UFL1: variants seen among roughly 807,000 people sequenced by gnomAD.
UFL1 encodes E3 UFM1-protein ligase 1.
In UFL1, 78 loss-of-function variants were observed where a neutral mutation model predicts 99.3. The ratio of observed to expected loss-of-function variants is 0.79; its 90% confidence interval spans 0.65 to 0.95. The LOEUF is 0.95. Among genes scored for constraint, UFL1 ranks in the 40% least tolerant of loss-of-function variants. The probability of loss-of-function intolerance (pLI) is 0.00; values close to 1 mark genes in which losing one functional copy is unlikely to be tolerated. For synonymous variants in UFL1, 335 were observed against 322.2 expected (o/e 1.04, Z -0.42); for missense variants, 936 against 937.0 (o/e 1.00, Z 0.01).
chr6:96,538,529 A>T (rs1159604693), intron 9 of UFL1, 102 bp from the exon 10 acceptor site: 2 of 1,090,320 alleles, frequency 1.8e-6, no homozygotes, highest in Non-Finnish European at 2.6e-6. Context: ...AAGCCACTGG[A>T]CTTAATGAGA....
chr6:96,541,890 C>A (rs1474347807), intron 11 of UFL1, among the ~76,000 whole-genome samples: 1 of 150,934 alleles, frequency 6.6e-6, no homozygotes, highest in East Asian at 1.9e-4. Flanking sequence ...AAAGCATGTT[C>A]ACTTTAGACT....
chr6:96,540,871 TTA>T (rs1769921720), intron 11 of UFL1, among the ~76,000 whole-genome samples: 1 of 151,356 alleles, frequency 6.6e-6, no homozygotes, highest in Admixed American at 6.6e-5. Context: ...TGTGAAAACT[TTA>T]TTTTATCATC....
rs1282920908 is a variant in UFL1 at position 96,555,053 on chromosome 6, AAAAGC to A, written c.*1552_*1556del. On this transcript the variant is annotated 3_prime_UTR_variant, in exon 19 of 19. Transcript: ENST00000369278. ...AAGAGACAGTGAAGCAAGTAAAAAG[AAAAGC>A]ATTGTTTTAATTTGTTTGCATTAAT... is the stretch of plus-strand genomic sequence containing the variant. 1.3e-5 allele frequency: 2 copies of A among 152,596 alleles called. No individual in the cohort carries two copies. Among genetic ancestry groups the A allele is most frequent in the Non-Finnish European group, 2.9e-5 (2 of 68,010 alleles). The allele number at this position is 152,596 out of a possible 1,614,324, so 9.5% of individuals were successfully genotyped here. A position where few individuals can be genotyped will look rare whatever the true frequency, so the allele number is the denominator to read the frequency against.
At chr6:96,536,179 GT>G in intron 7 of UFL1, 64 bp from the exon 8 acceptor site, 1 of 1,416,106 alleles carries the variant, frequency 7.1e-7, no homozygotes, top group Non-Finnish European at 9.6e-7. Context: ...AAATAATAAA[GT>G]ATTTTACTTT....
intron 17 of UFL1, 75 bp from the exon 18 acceptor site, chr6:96,552,407 G>A: frequency 2.1e-6 from 3 of 1,429,210 alleles, no homozygotes; most frequent in Non-Finnish European, 1.8e-6. Context: ...AAAATTAACA[G>A]AAAGGGATGA....
chr6:96,552,789 A>C, intron 18 of UFL1, 127 bp downstream of exon 18: 1 of 817,226 alleles, frequency 1.2e-6, no homozygotes, highest in Non-Finnish European at 1.8e-6. Flanking sequence ...ATTTCCAATA[A>C]TGTGAACAGT....
chr6:96,537,330 C>A (rs552761288), intron 8 of UFL1, 44 bp from the exon 9 acceptor site: 7 of 1,478,066 alleles, frequency 4.7e-6, no homozygotes, highest in Admixed American at 2.5e-5. Flanking sequence ...TTTTGTCTTA[C>A]ATGTAATTGA....
intron 9 of UFL1, 27 bp downstream of exon 9, chr6:96,537,576 C>A: frequency 1.3e-6 from 2 of 1,531,430 alleles, no homozygotes; most frequent in Non-Finnish European, 1.7e-6. Flanking sequence ...CCTCACTTTT[C>A]TTTAAACAGT....
At chr6:96,528,374 G>A (rs372090346) in intron 5 of UFL1, 128 bp from the exon 6 acceptor site, 1 of 1,108,446 alleles carries the variant, frequency 9.0e-7, no homozygotes, top group South Asian at 1.8e-5. Context: ...TGTAATCTAT[G>A]CTTGTTGAAA....
In UFL1 at chr6:96,537,526, T is replaced by C. The variant is rs912578995; in HGVS notation, c.955T>C (p.Ser319Pro). Residue 319 changes from serine (S) to proline (P), a missense_variant, in exon 9 of 19, where the codon TCT becomes CCT. Transcript: ENST00000369278. ...VEASVEEAIS[S>P]GTWVDIAPLL... ...AGCATCAGTAGAAGAAGCCATCAGC[T>C]CTGGAACATGGGTTGATATTGCAGT... The C allele has an allele frequency of 1.2e-5, 19 of 1,600,082 alleles. No individual in the cohort carries two copies. Among genetic ancestry groups the C allele is most frequent in the Non-Finnish European group, 1.6e-5 (19 of 1,174,834 alleles).
At position 96,524,275 on chromosome 6, in the gene UFL1, C is replaced by G. The variant is rs963151293; in HGVS notation, c.224-107C>G. ...TGAAGACATTGATTATTCTGGCTCTCTGTTCTATGCAGGACTTTGACCAAA... is the reference window on the plus strand; with the variant it reads ...TGAAGACATTGATTATTCTGGCTCTGTGTTCTATGCAGGACTTTGACCAAA... On this transcript the variant is annotated intron_variant, in intron 2 of 18. Coordinates refer to ENST00000369278, the MANE Select transcript of UFL1 (RefSeq NM_015323.5). 6.3e-6 allele frequency: 6 copies of G among 958,612 alleles called. No homozygotes were observed. In the African/African-American group the frequency reaches 1.0e-4, roughly 17 times the overall value. 59.4% of individuals were successfully genotyped at this position (958,612 alleles called of 1,614,324 possible).
In UFL1 at chr6:96,540,634, G is replaced by A. The variant is rs376991750; in HGVS notation, c.1258G>A (p.Glu420Lys). 5 of 1,599,344 alleles carry A rather than the reference G, an allele frequency of 3.1e-6. No homozygotes were observed. The highest frequency in any genetic ancestry group is 2.3e-5 in the East Asian group (1 of 44,412). ...TACAAGTAAAAAGGATAAAAAAGAT[G>A]AGCGAAGAAGGAAAGCAACAGGTAA... The part of the protein sequence containing the change: ...VSTSKKDKKD[E>K]RRRKATEGSG... The change falls in exon 11 of 19, where the codon GAG (glutamate) becomes AAG (lysine). Residue 420 changes from glutamate to lysine, a missense_variant. Physicochemically the swap from Glu to Lys is moderately conservative, Grantham distance 56. Coordinates refer to ENST00000369278, the MANE Select transcript of UFL1 (RefSeq NM_015323.5).
intron 15 of UFL1, 47 bp downstream of exon 15, chr6:96,549,846 T>A (rs754158329): frequency 1.3e-6 from 2 of 1,583,232 alleles, no homozygotes; most frequent in Non-Finnish European, 1.7e-6. Context: ...CTGTTTTGCA[T>A]CTATACACAT....
chr6:96,541,610 A>C (rs1769932556), intron 11 of UFL1, among the ~76,000 whole-genome samples: 1 of 148,382 alleles, frequency 6.7e-6, no homozygotes. Context: ...CAGGAAAATT[A>C]ATAAATTACT....
intron 7 of UFL1, among the ~76,000 whole-genome samples, chr6:96,535,112 A>C (rs1769834705): frequency 6.6e-6 from 1 of 152,028 alleles, no homozygotes; most frequent in Non-Finnish European, 1.5e-5. Context: ...AGAATTTAGA[A>C]TGGATTTACA....
At chr6:96,522,290 C>T (rs1288212713) in intron 1 of UFL1, among the ~76,000 whole-genome samples, 2 of 152,264 alleles carry the variant, frequency 1.3e-5, no homozygotes, top group East Asian at 3.9e-4. Flanking sequence ...ACTGTGACAT[C>T]TTGGCTATTA....
chr6:96,524,320 T>C, intron 2 of UFL1, 62 bp from the exon 3 acceptor site: 2 of 1,452,874 alleles, frequency 1.4e-6, no homozygotes, highest in East Asian at 2.5e-5. Flanking sequence ...TTAGAATTTA[T>C]AGCTTTGGGT....
At chr6:96,549,011 A>C (rs1340618567) in intron 13 of UFL1, among the ~76,000 whole-genome samples, 1 of 151,708 alleles carries the variant, frequency 6.6e-6, no homozygotes, top group Admixed American at 6.6e-5. Flanking sequence ...ATCATTTTGC[A>C]CTGCTTTTTA....
At chr6:96,525,871 C>G (rs1182831611) in intron 4 of UFL1, among the ~76,000 whole-genome samples, 1 of 151,700 alleles carries the variant, frequency 6.6e-6, no homozygotes, top group East Asian at 1.9e-4. Flanking sequence ...TTAAAAAAAT[C>G]CCAGCATGCC....
Sources: allele counts gnomAD v4.1 joint callset (sites outside exome capture counted in the v4.1 genomes callset), GRCh38; gene constraint gnomAD v4.1.1; transcripts MANE v1.5; gene names NCBI Gene and HGNC (gene_info 2026-07-23, HGNC 2026-07-21).